The following DELE1 variants were observed in gnomAD, a reference collection of about 807,000 sequenced individuals.
The protein encoded by DELE1 is DAP3 binding cell death enhancer 1.
In DELE1, 54 loss-of-function variants were observed where a neutral mutation model predicts 59.3. The observed-to-expected ratio is 0.91, with a 90% CI of 0.73 to 1.14. DELE1 has a LOEUF of 1.14. Among genes scored for constraint, DELE1 ranks in the 50% most tolerant of loss-of-function variants. The probability of loss-of-function intolerance (pLI) is 0.00; values close to 1 mark genes in which losing one functional copy is unlikely to be tolerated. For synonymous variants in DELE1, 264 were observed against 259.1 expected (o/e 1.02, Z -0.18); for missense variants, 636 against 643.9 (o/e 0.99, Z 0.13).
In DELE1 at chr5:141,930,079, T is replaced by C. The variant is rs1319580521; in HGVS notation, c.657+5T>C. ...CCTCAGCCCACTGGTGAAAAGGTAT[T>C]ATCCAGATTTGGCCACCTGGATCCC... On this transcript the variant is annotated splice_donor_5th_base_variant and intron_variant, in intron 6 of 11. Coordinates refer to ENST00000432126, the MANE Select transcript of DELE1 (RefSeq NM_014773.5). The C allele has an allele frequency of 5.6e-6, 9 of 1,614,004 alleles. No homozygotes were observed. In the Admixed American group the frequency reaches 1.5e-4, roughly 27 times the overall value.
At chr5:141,936,515 A>G (rs1596618962) in intron 10 of DELE1, among the ~76,000 whole-genome samples, 1 of 151,960 alleles carries the variant, frequency 6.6e-6, no homozygotes, top group African/African-American at 2.4e-5. Flanking sequence ...GCGCACTGCA[A>G]CCTCCGCCTC....
In DELE1 at chr5:141,934,345, C is replaced by A. The variant is rs1433243589; in HGVS notation, c.1003C>A (p.Arg335=). The A allele has an allele frequency of 1.2e-6, 2 of 1,614,194 alleles. No homozygotes were observed. Among genetic ancestry groups the A allele is most frequent in the Non-Finnish European group, 1.7e-6 (2 of 1,180,032 alleles). The part of the protein sequence containing the change: ...RDPASSWNPE[R]QRAVSLLKQA... ...CCCAGCCTCTTCGTGGAACCCTGAG[C>A]GGCAGAGGGCAGTGTCCTTGCTGAA... Residue 335 remains arginine (R), a synonymous_variant, in exon 9 of 12, where the codon CGG becomes AGG. Coordinates refer to ENST00000432126, the MANE Select transcript of DELE1 (RefSeq NM_014773.5).
At chr5:141,930,865 C>T (rs757440259) in intron 7 of DELE1, among the ~76,000 whole-genome samples, 1 of 152,166 alleles carries the variant, frequency 6.6e-6, no homozygotes, top group Non-Finnish European at 1.5e-5. Flanking sequence ...AGACTCCCCA[C>T]AGCATCTATT....
At position 141,941,044 on chromosome 5, in the gene DELE1, T is replaced by C; in HGVS notation, c.*2285T>C. On this transcript the variant is annotated 3_prime_UTR_variant, in exon 12 of 12. Coordinates refer to ENST00000432126, the MANE Select transcript of DELE1 (RefSeq NM_014773.5). Reference sequence around the variant, plus strand: ...GAATTGAGCCCAGAGCCCGTTTCCCTACAGATTGCTTTTGAGCCTTCCTGG... The same window carrying C: ...GAATTGAGCCCAGAGCCCGTTTCCCCACAGATTGCTTTTGAGCCTTCCTGG... The C allele has an allele frequency of 1.0e-6, 1 of 985,476 alleles. No individual in the cohort carries two copies. The highest frequency in any genetic ancestry group is 1.2e-6 in the Non-Finnish European group (1 of 829,946). 61.0% of individuals were successfully genotyped at this position (985,476 alleles called of 1,614,324 possible).
chr5:141,937,567 G>A lies in DELE1; in HGVS notation c.1309+210G>A, dbSNP rs548485553. On this transcript the variant is annotated intron_variant, in intron 11 of 11. Transcript: ENST00000432126. ...TGGCAGATCACCAGGTCAGGAGATC[G>A]AGACCCTCCTGGCTAACACGGTGAA... 2.9e-3 allele frequency among the ~76,000 whole-genome samples: 444 copies of A among 151,944 alleles called. 2 individuals are homozygous for A. Among genetic ancestry groups the A allele is most frequent in the Non-Finnish European group, 5.7e-3 (385 of 67,972 alleles).
In DELE1 at chr5:141,932,349, G is replaced by A. The variant is rs563178196; in HGVS notation, c.755-910G>A. Among the ~76,000 whole-genome samples, 93 of 152,234 alleles carry A rather than the reference G, an allele frequency of 6.1e-4. 3 individuals carry two copies. In the South Asian group the frequency reaches 0.018, roughly 30 times the overall value. ...CAGGTCTTGACACTGCTGTATTACC[G>A]CTCCCAATTTCTTCATGAAACAAGA... On this transcript the variant is annotated intron_variant, in intron 7 of 11. Coordinates refer to ENST00000432126, the MANE Select transcript of DELE1 (RefSeq NM_014773.5).
intron 3 of DELE1, among the ~76,000 whole-genome samples, chr5:141,927,481 C>G (rs901050751): frequency 5.8e-4 from 89 of 152,250 alleles, no homozygotes; most frequent in Non-Finnish European, 5.7e-4. Context: ...GCATGAGCCA[C>G]TGCACCCGAC....
At chr5:141,929,468 T>G (rs2126874819) in intron 4 of DELE1, 114 bp from the exon 5 acceptor site, 1 of 1,128,450 alleles carries the variant, frequency 8.9e-7, no homozygotes. Flanking sequence ...CAGGCTGGTC[T>G]TGAACTCCTG....
chr5:141,924,089 G>A (rs1751162954), intron 1 of DELE1, 117 bp downstream of exon 1: 1 of 1,379,698 alleles, frequency 7.2e-7, no homozygotes, highest in Non-Finnish European at 1.0e-6. Context: ...CAAGGAAGGC[G>A]GGGCTTGAAA....
intron 11 of DELE1, among the ~76,000 whole-genome samples, chr5:141,937,613 A>AT (rs982500142): frequency 4.7e-4 from 68 of 146,180 alleles, no homozygotes; most frequent in African/African-American, 1.9e-3. Context: ...TATTAAAAAT[A>AT]TAAAAAAAAA....
At chr5:141,925,341 G>A in intron 2 of DELE1, 69 bp from the exon 3 acceptor site, 1 of 1,048,194 alleles carries the variant, frequency 9.5e-7, no homozygotes, top group Non-Finnish European at 1.4e-6. Context: ...GATTACAGGT[G>A]TGAGCCACCG....
chr5:141,941,462 C>T lies in DELE1; in HGVS notation c.*2703C>T. 5.1e-6 allele frequency: 5 copies of T among 985,484 alleles called. No homozygotes were observed. Among genetic ancestry groups the T allele is most frequent in the Non-Finnish European group, 6.0e-6 (5 of 829,978 alleles). The allele number at this position is 985,484 out of a possible 1,614,324, so 61.0% of individuals were successfully genotyped here. On this transcript the variant is annotated 3_prime_UTR_variant, in exon 12 of 12. Transcript: ENST00000432126. ...TTCAGTCACTGCGGTCTTGATCCAG[C>T]CCCAGGGGGATGGGCTTCACTGGCA... is the stretch of plus-strand genomic sequence containing the variant.
Position 141,926,286 on chromosome 5 carries a change from C to G in DELE1, c.264+759C>G, listed in dbSNP as rs1034319281. Among the ~76,000 whole-genome samples, 7 of 152,194 alleles carry G rather than the reference C, an allele frequency of 4.6e-5. No homozygotes were observed. The East Asian group carries it at 1.3e-3, about 29-fold the overall frequency. Reference sequence around the variant, plus strand: ...CCTTCATTTTACAGCTGAGGAATCTCAGGCTCTGAAATATTAGGTAACATG... The same window carrying G: ...CCTTCATTTTACAGCTGAGGAATCTGAGGCTCTGAAATATTAGGTAACATG... On this transcript the variant is annotated intron_variant, in intron 3 of 11. Coordinates refer to ENST00000432126, the MANE Select transcript of DELE1 (RefSeq NM_014773.5).
chr5:141,935,002 C>G (rs910191087), intron 10 of DELE1: 1 of 177,230 alleles, frequency 5.6e-6, no homozygotes, highest in Non-Finnish European at 1.2e-5. Context: ...CAGTACTTCA[C>G]AGGGTGGTTG....
chr5:141,937,200 CT>C lies in DELE1; in HGVS notation c.1153del (p.Ser385HisfsTer25). The C allele has an allele frequency of 1.2e-6, 2 of 1,614,170 alleles. No homozygotes were observed. Among genetic ancestry groups the C allele is most frequent in the Non-Finnish European group, 1.7e-6 (2 of 1,180,018 alleles). On this transcript the variant is annotated frameshift_variant, in exon 11 of 12. Transcript: ENST00000432126. LOFTEE classifies it high-confidence loss of function. ...YLWLAANNGD[S>X]QSRYHLGICY... Reference sequence around the variant, plus strand: ...TTGTCTGTCCATTTTCTCCTTAGGACTCACAGAGCAGGTACCACCTTGGAAT... The same window carrying C: ...TTGTCTGTCCATTTTCTCCTTAGGACCACAGAGCAGGTACCACCTTGGAAT...
At position 141,928,294 on chromosome 5, in the gene DELE1, C is replaced by G. The variant is rs1751590399; in HGVS notation, c.408C>G (p.Cys136Trp). 1 of 1,613,798 alleles carries G rather than the reference C, an allele frequency of 6.2e-7. No homozygotes were observed. Among genetic ancestry groups the G allele is most frequent in the African/African-American group, 1.3e-5 (1 of 74,944 alleles). Reference sequence around the variant, plus strand: ...TCTCATCTCCCTTGTGGCACCCATGCTCCTGTGAGTTCTCAGTCCTGGGGA... The same window carrying G: ...TCTCATCTCCCTTGTGGCACCCATGGTCCTGTGAGTTCTCAGTCCTGGGGA... ...RFFSSPLWHP[C>W]SSLRQHILPS... The change falls in exon 4 of 12, where the codon TGC becomes TGG. Residue 136 changes from cysteine to tryptophan, a missense_variant. Cys to Trp is a radical substitution (Grantham distance 215). Coordinates refer to ENST00000432126, the MANE Select transcript of DELE1 (RefSeq NM_014773.5).
In DELE1 at chr5:141,940,276, C is replaced by G. The variant is rs1187097287; in HGVS notation, c.*1517C>G. 1.0e-6 allele frequency: 1 copy of G among 985,266 alleles called. No homozygotes were observed. Among genetic ancestry groups the G allele is most frequent in the Non-Finnish European group, 1.2e-6 (1 of 829,940 alleles). The allele number at this position is 985,266 out of a possible 1,614,324, so 61.0% of individuals were successfully genotyped here. A position where few individuals can be genotyped will look rare whatever the true frequency, so the allele number is the denominator to read the frequency against. ...AATTTAAAGGATCTTAAAAGCTTCTCCAGGAGAGAGACTTAGGAAAAAAAA... is the reference window on the plus strand; with the variant it reads ...AATTTAAAGGATCTTAAAAGCTTCTGCAGGAGAGAGACTTAGGAAAAAAAA... On this transcript the variant is annotated 3_prime_UTR_variant, in exon 12 of 12. Coordinates refer to ENST00000432126, the MANE Select transcript of DELE1 (RefSeq NM_014773.5).
At chr5:141,936,056 A>G (rs570943223) in intron 10 of DELE1, among the ~76,000 whole-genome samples, 1 of 152,346 alleles carries the variant, frequency 6.6e-6, no homozygotes, top group Non-Finnish European at 1.5e-5. Context: ...TGGAGGGTAG[A>G]AGAGAAATTG....
At position 141,939,374 on chromosome 5, in the gene DELE1, C is replaced by G; in HGVS notation, c.*615C>G. On this transcript the variant is annotated 3_prime_UTR_variant, in exon 12 of 12. Transcript: ENST00000432126. ...AGATCCAGAGAGGTAGCAAAAATCA[C>G]AGGGGTGGTTCCATGAATGGCTGAC... The G allele has an allele frequency of 1.0e-6, 1 of 975,948 alleles. No individual in the cohort carries two copies. The highest frequency in any genetic ancestry group is 1.8e-5 in the African/African-American group (1 of 57,054). The allele number at this position is 975,948 out of a possible 1,614,324, so 60.5% of individuals were successfully genotyped here. A position where few individuals can be genotyped will look rare whatever the true frequency, so the allele number is the denominator to read the frequency against.
Sources: gnomAD v4.1 joint callset for allele counts (sites outside exome capture counted in the v4.1 genomes callset) on GRCh38, gnomAD v4.1.1 for gene constraint, MANE v1.5 for transcripts, NCBI Gene and HGNC (gene_info 2026-07-23, HGNC 2026-07-21) for gene names.